GRB14: variants seen among roughly 807,000 people sequenced by gnomAD.
The protein encoded by GRB14 is growth factor receptor bound protein 14, also known as growth factor receptor-bound protein 14.
Under a neutral mutation model 69.1 loss-of-function variants are expected in GRB14, and 38 were observed. That is an observed-to-expected ratio of 0.55 (90% CI 0.42 to 0.72). The LOEUF (loss-of-function observed/expected upper bound fraction) is 0.72. Among genes scored for constraint, GRB14 ranks in the 30% least tolerant of loss-of-function variants. GRB14 has a pLI of 0.00. For synonymous variants in GRB14, 247 were observed against 241.3 expected (o/e 1.02, Z -0.22); for missense variants, 666 against 666.1 (o/e 1.00, Z 0.00).
chr2:164,526,988 TA>T, intron 4 of GRB14, 25 bp downstream of exon 4: 1 of 1,511,638 alleles, frequency 6.6e-7, no homozygotes, highest in South Asian at 1.2e-5. Flanking sequence ...TTATTTTCCG[TA>T]ACTATTAGGA....
intron 9 of GRB14, 33 bp from the exon 10 acceptor site, chr2:164,497,523 A>C: frequency 7.5e-7 from 1 of 1,327,746 alleles, no homozygotes; most frequent in African/African-American, 1.5e-5. Context: ...AGTTATGAAA[A>C]TTTCTTTGAA....
intron 2 of GRB14, among the ~76,000 whole-genome samples, chr2:164,553,544 G>A (rs764320167): frequency 1.3e-4 from 20 of 152,136 alleles, no homozygotes; most frequent in African/African-American, 2.2e-4. Flanking sequence ...TTATATTTAG[G>A]TTGATATTCC....
intron 6 of GRB14, among the ~76,000 whole-genome samples, chr2:164,513,526 A>G (rs1687394172): frequency 1.3e-5 from 2 of 152,360 alleles, no homozygotes; most frequent in Non-Finnish European, 2.9e-5. Flanking sequence ...ATCTGAAGTC[A>G]TAACTAGCCA....
chr2:164,516,648 C>T (rs1489527600), intron 6 of GRB14, among the ~76,000 whole-genome samples: 1 of 152,130 alleles, frequency 6.6e-6, no homozygotes, highest in East Asian at 1.9e-4. Flanking sequence ...CTTTTCCAGA[C>T]AAACAAGTGC....
intron 5 of GRB14, among the ~76,000 whole-genome samples, chr2:164,522,352 C>T (rs1416697754): frequency 1.3e-5 from 2 of 152,036 alleles, no homozygotes; most frequent in African/African-American, 4.8e-5. Flanking sequence ...CACACACATA[C>T]ACACACAGAA....
intron 2 of GRB14, among the ~76,000 whole-genome samples, chr2:164,588,691 CCTT>C (rs1689592159): frequency 6.6e-6 from 1 of 152,080 alleles, no homozygotes; most frequent in South Asian, 2.1e-4. Flanking sequence ...AGGTAGACCT[CCTT>C]ATGTTGAGCC....
At chr2:164,611,298 GAAGA>G (rs1334095165) in intron 2 of GRB14, among the ~76,000 whole-genome samples, 1 of 152,138 alleles carries the variant, frequency 6.6e-6, no homozygotes, top group East Asian at 1.9e-4. Flanking sequence ...AGCTAACACA[GAAGA>G]AAGGAGGCCA....
intron 2 of GRB14, among the ~76,000 whole-genome samples, chr2:164,584,147 A>ATTTTTTTTTTT (rs55883951): frequency 5.2e-4 from 26 of 49,902 alleles, no homozygotes; most frequent in East Asian, 1.9e-3. Context: ...CAGCCTGGCT[A>ATTTTTTTTTTT]TTTTTTTTTT....
chr2:164,608,872 T>C (rs565339499), intron 2 of GRB14, among the ~76,000 whole-genome samples: 4 of 152,302 alleles, frequency 2.6e-5, no homozygotes, highest in Non-Finnish European at 5.9e-5. Flanking sequence ...ATATCATTTT[T>C]TAGGTATTAG....
At chr2:164,603,405 A>C (rs1574349291) in intron 2 of GRB14, among the ~76,000 whole-genome samples, 1 of 152,116 alleles carries the variant, frequency 6.6e-6, no homozygotes, top group Non-Finnish European at 1.5e-5. Context: ...GGCTCACACC[A>C]GTAATCCTAG....
At chr2:164,565,843 G>C (rs901883094) in intron 2 of GRB14, among the ~76,000 whole-genome samples, 1 of 152,016 alleles carries the variant, frequency 6.6e-6, no homozygotes, top group Non-Finnish European at 1.5e-5. Context: ...AGATCAAGGC[G>C]TACTTTCTCT....
At chr2:164,559,438 C>T (rs1212644956) in intron 2 of GRB14, among the ~76,000 whole-genome samples, 1 of 152,144 alleles carries the variant, frequency 6.6e-6, no homozygotes, top group Non-Finnish European at 1.5e-5. Context: ...TTATCCCTTG[C>T]CTGCTCCCTC....
chr2:164,568,025 G>GA (rs1316534079), intron 2 of GRB14, among the ~76,000 whole-genome samples: 2 of 151,598 alleles, frequency 1.3e-5, no homozygotes, highest in Admixed American at 6.6e-5. Flanking sequence ...ACAGTAGAAA[G>GA]AAAAAAAAGG....
At chr2:164,555,601 A>G (rs1196909811) in intron 2 of GRB14, among the ~76,000 whole-genome samples, 2 of 151,270 alleles carry the variant, frequency 1.3e-5, no homozygotes, top group Admixed American at 1.3e-4. Context: ...CTATTAATTA[A>G]TTAGTCTTCA....
At chr2:164,617,743 G>A (rs142204262) in intron 2 of GRB14, among the ~76,000 whole-genome samples, 1 of 152,034 alleles carries the variant, frequency 6.6e-6, no homozygotes, top group African/African-American at 2.4e-5. Context: ...GGCTCCACCC[G>A]CTACCACAAC....
chr2:164,572,341 T>G (rs1343055520), intron 2 of GRB14, among the ~76,000 whole-genome samples: 1 of 152,170 alleles, frequency 6.6e-6, no homozygotes, highest in East Asian at 1.9e-4. Context: ...TATTCCCACC[T>G]CTTTGTTCAT....
intron 1 of GRB14, 119 bp downstream of exon 1, chr2:164,621,000 G>T: frequency 1.2e-6 from 1 of 858,508 alleles, no homozygotes; most frequent in Non-Finnish European, 1.6e-6. Context: ...ATTGTCTTCA[G>T]AGACTTTTAC....
At chr2:164,544,907 A>G (rs775391130) in intron 3 of GRB14, among the ~76,000 whole-genome samples, 42 of 152,210 alleles carry the variant, frequency 2.8e-4, no homozygotes, top group Non-Finnish European at 5.0e-4. Flanking sequence ...CAAAAAAACC[A>G]CTTCCCAAAT....
intron 3 of GRB14, among the ~76,000 whole-genome samples, chr2:164,534,318 C>A (rs942860427): frequency 6.6e-6 from 1 of 152,194 alleles, no homozygotes; most frequent in South Asian, 2.1e-4. Flanking sequence ...TTCCCCCAAC[C>A]AATCTCATTA....
Sources: allele counts gnomAD v4.1 joint callset (sites outside exome capture counted in the v4.1 genomes callset), GRCh38; gene constraint gnomAD v4.1.1; transcripts MANE v1.5; gene names NCBI Gene and HGNC (gene_info 2026-07-23, HGNC 2026-07-21).